Variants in IPCEF1 observed in about 807,000 individuals in gnomAD.
The protein encoded by IPCEF1 is interactor protein for cytohesin exchange factors 1.
IPCEF1 carries 31 observed loss-of-function variants against 50.9 expected under a neutral mutation model. The ratio of observed to expected loss-of-function variants is 0.61; its 90% CI spans 0.46 to 0.82. The LOEUF (loss-of-function observed/expected upper bound fraction) is 0.82. Among genes scored for constraint, IPCEF1 ranks in the 40% least tolerant of loss-of-function variants. The pLI is 0.00. For synonymous variants in IPCEF1, 181 were observed against 192.0 expected (o/e 0.94, Z 0.47); for missense variants, 458 against 514.0 (o/e 0.89, Z 1.05).
intron 1 of IPCEF1, among the ~76,000 whole-genome samples, chr6:154,299,293 G>A (rs1030417408): frequency 2.1e-5 from 3 of 140,724 alleles, no homozygotes; most frequent in African/African-American, 7.6e-5. Flanking sequence ...GGAGGTGGGC[G>A]GGTCCACACT....
At chr6:154,205,493 G>C (rs1032146285) in intron 9 of IPCEF1, among the ~76,000 whole-genome samples, 8 of 152,172 alleles carry the variant, frequency 5.3e-5, no homozygotes, top group African/African-American at 1.9e-4. Flanking sequence ...TACTTGGGAG[G>C]CTGAGGCAGG....
chr6:154,160,517 T>C (rs1259362515), intron 11 of IPCEF1, among the ~76,000 whole-genome samples: 2 of 152,250 alleles, frequency 1.3e-5, no homozygotes, highest in African/African-American at 2.4e-5. Context: ...TAAATCACAT[T>C]TATTTAATAC....
At chr6:154,312,627 TGAGCC>T (rs1783108511) in intron 1 of IPCEF1, among the ~76,000 whole-genome samples, 1 of 152,104 alleles carries the variant, frequency 6.6e-6, no homozygotes, top group Non-Finnish European at 1.5e-5. Context: ...ATTACAGGTG[TGAGCC>T]ACCGCACCTG....
intron 5 of IPCEF1, among the ~76,000 whole-genome samples, chr6:154,230,649 A>G (rs1167753496): frequency 6.6e-6 from 1 of 152,208 alleles, no homozygotes; most frequent in Admixed American, 6.5e-5. Context: ...GTAATATAGG[A>G]AACTGTCATG....
chr6:154,191,285 G>A (rs549982546), intron 10 of IPCEF1, among the ~76,000 whole-genome samples: 14 of 152,220 alleles, frequency 9.2e-5, no homozygotes, highest in East Asian at 5.8e-4. Context: ...TATTTTTTAC[G>A]GCAGTGAAAC....
intron 1 of IPCEF1, among the ~76,000 whole-genome samples, chr6:154,300,415 C>G (rs531529718): frequency 2.6e-5 from 4 of 152,244 alleles, no homozygotes; most frequent in African/African-American, 9.6e-5. Context: ...AGTTCCAGAC[C>G]TGCCTGGGCA....
chr6:154,326,079 A>C (rs1192159944), intron 1 of IPCEF1, among the ~76,000 whole-genome samples: 1 of 152,076 alleles, frequency 6.6e-6, no homozygotes, highest in East Asian at 1.9e-4. Context: ...TACAAATATT[A>C]GCCAGGTATG....
At chr6:154,238,358 C>A (rs968692955) in intron 5 of IPCEF1, among the ~76,000 whole-genome samples, 1 of 152,048 alleles carries the variant, frequency 6.6e-6, no homozygotes, top group Admixed American at 6.6e-5. Context: ...CAGGTTCAAG[C>A]GATTCTCCTG....
At chr6:154,304,060 G>T (rs1344238676) in intron 1 of IPCEF1, among the ~76,000 whole-genome samples, 1 of 146,220 alleles carries the variant, frequency 6.8e-6, no homozygotes, top group Non-Finnish European at 1.5e-5. Context: ...TCCCACTTTT[G>T]TAAAAAAATT....
At chr6:154,301,074 A>C (rs62435684) in intron 1 of IPCEF1, among the ~76,000 whole-genome samples, 4,167 of 152,342 alleles carry the variant, frequency 0.027, 94 homozygotes, top group Non-Finnish European at 0.042. Flanking sequence ...CATACACCCA[A>C]AAGTTATATT....
chr6:154,274,646 C>T (rs899980094), intron 2 of IPCEF1, among the ~76,000 whole-genome samples: 1 of 152,204 alleles, frequency 6.6e-6, no homozygotes, highest in Admixed American at 6.5e-5. Flanking sequence ...ACAGGGGTCT[C>T]TTGTCCTTCT....
At chr6:154,245,285 TG>T (rs113901695) in intron 5 of IPCEF1, among the ~76,000 whole-genome samples, 62,856 of 151,624 alleles carry the variant, frequency 0.41, 13,365 homozygotes, top group Middle Eastern at 0.49. Context: ...ACCAAATGCT[TG>T]GAAAAAAAAA....
chr6:154,307,865 A>G (rs536820142), intron 1 of IPCEF1, among the ~76,000 whole-genome samples: 1 of 152,336 alleles, frequency 6.6e-6, no homozygotes, highest in East Asian at 1.9e-4. Flanking sequence ...GTGTACTGTT[A>G]GACGACTGAG....
intron 1 of IPCEF1, among the ~76,000 whole-genome samples, chr6:154,296,848 A>C (rs935112234): frequency 6.6e-6 from 1 of 151,856 alleles, no homozygotes; most frequent in South Asian, 2.1e-4. Context: ...AAAAAAGAAA[A>C]AAAAAGAGAA....
chr6:154,353,286 C>T (rs1784147690), intron 1 of IPCEF1, among the ~76,000 whole-genome samples: 1 of 149,080 alleles, frequency 6.7e-6, no homozygotes, highest in Non-Finnish European at 1.5e-5. Context: ...CTTTTCTTTT[C>T]CTTTTCCTTT....
At chr6:154,208,532 G>T (rs550494111) in intron 9 of IPCEF1, among the ~76,000 whole-genome samples, 1 of 152,258 alleles carries the variant, frequency 6.6e-6, no homozygotes, top group East Asian at 1.9e-4. Flanking sequence ...CTCAACTAGA[G>T]GTTTGGCTCC....
At chr6:154,248,565 TCTAA>T (rs1781245265) in intron 3 of IPCEF1, among the ~76,000 whole-genome samples, 1 of 152,302 alleles carries the variant, frequency 6.6e-6, no homozygotes, top group Non-Finnish European at 1.5e-5. Flanking sequence ...AGTCTACATA[TCTAA>T]CTATTGATCT....
intron 3 of IPCEF1, among the ~76,000 whole-genome samples, chr6:154,254,772 T>C (rs1562568120): frequency 1.3e-5 from 2 of 152,218 alleles, no homozygotes; most frequent in African/African-American, 4.8e-5. Flanking sequence ...ATAAGGACCA[T>C]ATGACTACAT....
intron 2 of IPCEF1, among the ~76,000 whole-genome samples, chr6:154,288,427 G>C: frequency 6.6e-6 from 1 of 152,264 alleles, no homozygotes; most frequent in Middle Eastern, 3.4e-3. Context: ...ACTTTGGGAG[G>C]CCGAGGCGGG....
Sources: allele counts gnomAD v4.1 joint callset (sites outside exome capture counted in the v4.1 genomes callset), GRCh38; gene constraint gnomAD v4.1.1; transcripts MANE v1.5; gene names NCBI Gene and HGNC (gene_info 2026-07-23, HGNC 2026-07-21).